SPMIP7: variants seen among roughly 807,000 people sequenced by gnomAD.
SPMIP7 encodes the protein protein SPMIP7.
the SPMIP7 span, among the ~76,000 whole-genome samples, chr7:50,146,870 G>A: frequency 6.6e-6 from 1 of 152,192 alleles, no homozygotes; most frequent in Non-Finnish European, 1.5e-5. Flanking sequence ...GCTGCATGCT[G>A]GGCACTGTGC....
the SPMIP7 span, among the ~76,000 whole-genome samples, chr7:50,148,149 T>A: frequency 6.6e-6 from 1 of 152,362 alleles, no homozygotes; most frequent in Non-Finnish European, 1.5e-5. Flanking sequence ...TATGGCCATA[T>A]GTGCCAGGGT....
chr7:50,135,758 T>G, the SPMIP7 span, among the ~76,000 whole-genome samples: 1 of 152,222 alleles, frequency 6.6e-6, no homozygotes, highest in Admixed American at 6.5e-5. Flanking sequence ...GGCCTGGGTT[T>G]GCAGAGGGTA....
At chr7:50,109,176 A>T in the SPMIP7 span, among the ~76,000 whole-genome samples, 8 of 151,696 alleles carry the variant, frequency 5.3e-5, no homozygotes, top group Non-Finnish European at 1.0e-4. Flanking sequence ...GTTTACAAAG[A>T]ATAAACCATT....
chr7:50,125,277 C>CAT, the SPMIP7 span, among the ~76,000 whole-genome samples: 8 of 132,770 alleles, frequency 6.0e-5, no homozygotes, highest in Admixed American at 3.8e-4. Context: ...TATATATACA[C>CAT]ATATATACAC....
the SPMIP7 span, among the ~76,000 whole-genome samples, chr7:50,098,823 T>C: frequency 8.5e-5 from 7 of 81,888 alleles, no homozygotes; most frequent in Admixed American, 2.9e-4. Flanking sequence ...GGAGTTAGGC[T>C]TCAACACACG....
the SPMIP7 span, chr7:50,096,412 GT>G: frequency 1.3e-6 from 2 of 1,551,642 alleles, no homozygotes; most frequent in African/African-American, 2.7e-5. Context: ...CCTGTTCAGG[GT>G]TTATGAGTCC....
chr7:50,136,081 T>C, the SPMIP7 span: 28 of 1,539,244 alleles, frequency 1.8e-5, no homozygotes, highest in Non-Finnish European at 2.5e-5. Context: ...GTCATTGATT[T>C]TGACGATTAT....
the SPMIP7 span, among the ~76,000 whole-genome samples, chr7:50,131,421 G>A: frequency 6.6e-6 from 1 of 152,208 alleles, no homozygotes; most frequent in Non-Finnish European, 1.5e-5. Context: ...GATATGTCAA[G>A]CAGGCAGTGT....
At chr7:50,111,888 T>A in the SPMIP7 span, among the ~76,000 whole-genome samples, 34 of 152,122 alleles carry the variant, frequency 2.2e-4, no homozygotes, top group African/African-American at 8.2e-4. Flanking sequence ...CAACCAACCG[T>A]AATAAAACAA....
the SPMIP7 span, among the ~76,000 whole-genome samples, chr7:50,108,975 G>T: frequency 6.6e-6 from 1 of 152,110 alleles, no homozygotes; most frequent in African/African-American, 2.4e-5. Flanking sequence ...GCTGTTATTA[G>T]ACACCTGTTT....
the SPMIP7 span, among the ~76,000 whole-genome samples, chr7:50,123,429 A>G: frequency 1.2e-5 from 1 of 86,618 alleles, no homozygotes; most frequent in Non-Finnish European, 2.2e-5. Context: ...GGGTGGGGGA[A>G]GGGGGGAGGG....
chr7:50,155,635 T>TA, the SPMIP7 span, among the ~76,000 whole-genome samples: 13 of 152,228 alleles, frequency 8.5e-5, no homozygotes, highest in Non-Finnish European at 1.6e-4. Flanking sequence ...CAATGTGTGA[T>TA]AAAACGTTCC....
chr7:50,140,657 A>G, the SPMIP7 span, among the ~76,000 whole-genome samples: 1 of 152,212 alleles, frequency 6.6e-6, no homozygotes, highest in Non-Finnish European at 1.5e-5. Context: ...TGGTTTTTAG[A>G]TGGAAGAAGA....
the SPMIP7 span, among the ~76,000 whole-genome samples, chr7:50,131,168 G>C: frequency 6.6e-6 from 1 of 152,136 alleles, no homozygotes; most frequent in South Asian, 2.1e-4. Context: ...TGGTAGCTTG[G>C]GGGAGAGTGC....
chr7:50,144,509 C>T, the SPMIP7 span, among the ~76,000 whole-genome samples: 4 of 152,276 alleles, frequency 2.6e-5, no homozygotes, highest in South Asian at 8.3e-4. Context: ...ATTGCCCAAG[C>T]CCTGAATACT....
chr7:50,137,622 C>A, the SPMIP7 span, among the ~76,000 whole-genome samples: 1 of 152,050 alleles, frequency 6.6e-6, no homozygotes, highest in Non-Finnish European at 1.5e-5. Context: ...ACAATGGAAT[C>A]TCCCATTATA....
At chr7:50,134,961 C>T in the SPMIP7 span, among the ~76,000 whole-genome samples, 77,900 of 152,042 alleles carry the variant, frequency 0.51, 20,801 homozygotes, top group East Asian at 0.73. Context: ...TCCTTAGCTT[C>T]ATCCCTGCCC....
the SPMIP7 span, chr7:50,141,333 A>T: frequency 1.9e-6 from 3 of 1,552,204 alleles, no homozygotes; most frequent in African/African-American, 1.4e-5. Flanking sequence ...CTTGGGAGAC[A>T]TCGCATCGCT....
At chr7:50,136,779 A>T in the SPMIP7 span, among the ~76,000 whole-genome samples, 1 of 152,180 alleles carries the variant, frequency 6.6e-6, no homozygotes, top group Non-Finnish European at 1.5e-5. Flanking sequence ...TCTGCCTTTG[A>T]AAACATCACA....
Sources: gnomAD v4.1 joint callset for allele counts (sites outside exome capture counted in the v4.1 genomes callset) on GRCh38, gnomAD v4.1.1 for gene constraint, MANE v1.5 for transcripts, NCBI Gene and HGNC (gene_info 2026-07-23, HGNC 2026-07-21) for gene names.